The following BID variants were observed in gnomAD, a reference collection of about 807,000 sequenced individuals.
The protein encoded by BID is BH3 interacting domain death agonist.
BID carries 19 observed loss-of-function variants against 17.4 expected under a neutral mutation model. The observed-to-expected ratio is 1.09, with a 90% CI of 0.76 to 1.60. The LOEUF (loss-of-function observed/expected upper bound fraction) is 1.60, where lower values mean the gene tolerates loss of function less well. Among genes scored for constraint, BID ranks in the 40% most tolerant of loss-of-function variants. The pLI is 0.00. For synonymous variants in BID, 108 were observed against 102.8 expected (o/e 1.05, Z -0.31); for missense variants, 226 against 256.0 (o/e 0.88, Z 0.80).
intron 1 of BID, among the ~76,000 whole-genome samples, chr22:17,751,234 C>T (rs1395515977): frequency 2.0e-4 from 30 of 150,612 alleles, no homozygotes; most frequent in African/African-American, 4.4e-4. Flanking sequence ...TAGCCGGGCG[C>T]GGTGGCGGGC....
chr22:17,744,750 C>A (rs573367007), intron 2 of BID, among the ~76,000 whole-genome samples: 31 of 152,310 alleles, frequency 2.0e-4, no homozygotes, highest in Non-Finnish European at 3.8e-4. Flanking sequence ...AGGGACTGTT[C>A]TTGGGGTACT....
intron 1 of BID, among the ~76,000 whole-genome samples, chr22:17,770,955 G>A (rs942414219): frequency 1.3e-5 from 2 of 152,234 alleles, no homozygotes; most frequent in African/African-American, 4.8e-5. Flanking sequence ...AGCCCCAGAA[G>A]ACAGGTATCT....
chr22:17,737,913 C>T, intron 5 of BID, 104 bp downstream of exon 5: 7 of 1,220,208 alleles, frequency 5.7e-6, no homozygotes, highest in East Asian at 2.3e-5. Context: ...GCCTGTAACC[C>T]TTGTGCTGGC....
At chr22:17,737,413 C>G (rs1157151347) in intron 5 of BID, among the ~76,000 whole-genome samples, 2 of 151,858 alleles carry the variant, frequency 1.3e-5, no homozygotes, top group Non-Finnish European at 2.9e-5. Flanking sequence ...GTGGTGCGAT[C>G]TCAGTTCACT....
At chr22:17,736,961 A>G (rs4599222) in intron 5 of BID, among the ~76,000 whole-genome samples, 109,269 of 151,650 alleles carry the variant, frequency 0.72, 40,059 homozygotes, top group East Asian at 0.93. Flanking sequence ...CCGCCACCAC[A>G]CCCAGCTAAT....
Position 17,773,840 on chromosome 22 carries a change from C to T in BID, c.-59+541G>A. The T allele has an allele frequency of 1.3e-6, 1 of 773,214 alleles. No homozygotes were observed. The highest frequency in any genetic ancestry group is 2.1e-6 in the Non-Finnish European group (1 of 480,424). 47.9% of individuals were successfully genotyped at this position (773,214 alleles called of 1,614,324 possible). A position where few individuals can be genotyped will look rare whatever the true frequency, so the allele number is the denominator to read the frequency against. ...GAGGATCCGCACATCATTGCCAGTG[C>T]TCTAAGGAGCGGGCGAGCCCCAGTA... On this transcript the variant is annotated intron_variant, in intron 1 of 5. Coordinates refer to ENST00000622694, the MANE Select transcript of BID (RefSeq NM_001196.4). This position sits in a 1 kb window ranked among gnomAD's most constrained non-coding sequence, Gnocchi z 4.4.
rs530633930 is a variant in BID at position 17,740,256 on chromosome 22, A to C, written c.224-768T>G. ...CTGACAAATACCCAGCACTTAATAC[A>C]TGGCACTCAGTAGGTGCTCAATAAA... On this transcript the variant is annotated intron_variant, in intron 3 of 5. Coordinates refer to ENST00000622694, the MANE Select transcript of BID (RefSeq NM_001196.4). The C allele has an allele frequency of 6.1e-5, 78 of 1,268,512 alleles. 3 individuals are homozygous for C. In the South Asian group the frequency reaches 9.7e-4, roughly 16 times the overall value. 78.6% of individuals were successfully genotyped at this position (1,268,512 alleles called of 1,614,324 possible).
intron 4 of BID, among the ~76,000 whole-genome samples, chr22:17,738,843 G>A (rs374098229): frequency 6.6e-6 from 1 of 152,160 alleles, no homozygotes; most frequent in African/African-American, 2.4e-5. Flanking sequence ...ACCGCTACAG[G>A]CCTGCATTTG....
Position 17,773,763 on chromosome 22 carries a change from C to T in BID, c.-59+618G>A, listed in dbSNP as rs2061738548. ...GTGGCTGAGGGCTTCAGAGCTCTCC[C>T]AGGGTCCCCTGGGGTCATTCAGCCA... On this transcript the variant is annotated intron_variant, in intron 1 of 5. Coordinates refer to ENST00000622694, the MANE Select transcript of BID (RefSeq NM_001196.4). This position sits in a 1 kb window ranked among gnomAD's most constrained non-coding sequence, Gnocchi z 4.4. 6.9e-7 allele frequency: 1 copy of T among 1,454,682 alleles called. No homozygotes were observed. Among genetic ancestry groups the T allele is most frequent in the Admixed American group, 1.8e-5 (1 of 54,492 alleles). 90.1% of individuals were successfully genotyped at this position (1,454,682 alleles called of 1,614,324 possible).
intron 3 of BID, among the ~76,000 whole-genome samples, chr22:17,742,928 A>G (rs1007654250): frequency 3.3e-5 from 5 of 152,198 alleles, no homozygotes; most frequent in African/African-American, 4.8e-5. Flanking sequence ...TGGAGGCTGG[A>G]GGAGAGTGCA....
intron 5 of BID, 54 bp downstream of exon 5, chr22:17,737,963 G>A: frequency 6.3e-7 from 1 of 1,592,086 alleles, no homozygotes; most frequent in Non-Finnish European, 8.6e-7. Flanking sequence ...CAACCTTCCA[G>A]AGAAAAGGGC....
In BID at chr22:17,739,507, G is replaced by A. The variant is rs367835398; in HGVS notation, c.224-19C>T. The A allele has an allele frequency of 3.9e-5, 63 of 1,604,910 alleles. No homozygotes were observed. Among genetic ancestry groups the A allele is most frequent in the East Asian group, 2.2e-5 (1 of 44,796 alleles). ...TCAGAATCTGTGTTCAGGCAGGGGC[G>A]GCAGAGACAGAGCAGACTCAGAAAA... On this transcript the variant is annotated intron_variant, in intron 3 of 5. Transcript: ENST00000622694.
chr22:17,741,593 C>T (rs1207175701), intron 3 of BID, among the ~76,000 whole-genome samples: 1 of 152,058 alleles, frequency 6.6e-6, no homozygotes, highest in Non-Finnish European at 1.5e-5. Context: ...CTACCTCAGC[C>T]TCCCAAGTAG....
intron 1 of BID, among the ~76,000 whole-genome samples, chr22:17,760,837 C>T (rs1053073481): frequency 6.6e-6 from 1 of 152,146 alleles, no homozygotes; most frequent in Non-Finnish European, 1.5e-5. Flanking sequence ...CTTTTCATAA[C>T]GATTTTCTAA....
At chr22:17,755,353 C>T (rs1390118598) in intron 1 of BID, among the ~76,000 whole-genome samples, 1 of 151,994 alleles carries the variant, frequency 6.6e-6, no homozygotes, top group Non-Finnish European at 1.5e-5. Context: ...AATGTGAACA[C>T]ACATGGACCA....
intron 1 of BID, among the ~76,000 whole-genome samples, chr22:17,761,606 T>C (rs1453562776): frequency 6.6e-6 from 1 of 152,080 alleles, no homozygotes; most frequent in East Asian, 1.9e-4. Context: ...TAATTTTTTG[T>C]ATTTTTAGTG....
At chr22:17,739,609 T>A in intron 3 of BID, 121 bp from the exon 4 acceptor site, 1 of 1,315,242 alleles carries the variant, frequency 7.6e-7, no homozygotes, top group South Asian at 1.4e-5. Flanking sequence ...CAGCCCCCAC[T>A]GGGCACGTGC....
chr22:17,757,347 G>A (rs997837852), intron 1 of BID, among the ~76,000 whole-genome samples: 18 of 139,028 alleles, frequency 1.3e-4, no homozygotes, highest in African/African-American at 3.3e-4. Flanking sequence ...AGGTTACAGC[G>A]AGCTGAGATC....
chr22:17,761,068 C>T (rs1464988897), intron 1 of BID, among the ~76,000 whole-genome samples: 5 of 152,182 alleles, frequency 3.3e-5, no homozygotes, highest in East Asian at 1.9e-4. Context: ...CCACTCTTCC[C>T]GTGCAGGTCT....
Sources: gnomAD v4.1 joint callset for allele counts (sites outside exome capture counted in the v4.1 genomes callset) on GRCh38, gnomAD v4.1.1 for gene constraint, Gnocchi (gnomAD v3.1) non-coding constraint, MANE v1.5 for transcripts, NCBI Gene and HGNC (gene_info 2026-07-23, HGNC 2026-07-21) for gene names.